The following FYN variants were observed in gnomAD, a reference collection of about 807,000 sequenced individuals.
The protein encoded by FYN is tyrosine-protein kinase Fyn.
FYN carries 10 observed loss-of-function variants against 70.2 expected under a neutral mutation model. The observed-to-expected ratio is 0.14, with a 90% confidence interval of 0.09 to 0.24. The LOEUF is 0.24. Among genes scored for constraint, FYN ranks in the 10% least tolerant of loss-of-function variants. The pLI is 1.00. For synonymous variants in FYN, 236 were observed against 248.6 expected (o/e 0.95, Z 0.48); for missense variants, 319 against 673.1 (o/e 0.47, Z 5.82).
At chr6:111,811,986 A>C (rs928073297) in intron 2 of FYN, among the ~76,000 whole-genome samples, 1 of 152,186 alleles carries the variant, frequency 6.6e-6, no homozygotes, top group African/African-American at 2.4e-5. Flanking sequence ...CCAAGGGACC[A>C]CGTCCTAGGA....
intron 3 of FYN, among the ~76,000 whole-genome samples, chr6:111,763,640 A>G (rs898517326): frequency 2.0e-5 from 3 of 152,228 alleles, no homozygotes; most frequent in African/African-American, 7.2e-5. Flanking sequence ...ACCCAGCTTT[A>G]AACATTAATA....
chr6:111,764,216 C>CAAAAAAAAAAAAAAAAA (rs11409465), intron 3 of FYN, among the ~76,000 whole-genome samples: 8 of 58,328 alleles, frequency 1.4e-4, no homozygotes, highest in East Asian at 1.7e-3. Context: ...TTTTGTCAAG[C>CAAAAAAAAAAAAAAAAA]AAAAAAAAAA....
chr6:111,838,955 C>T (rs779118039), intron 2 of FYN, among the ~76,000 whole-genome samples: 5 of 152,192 alleles, frequency 3.3e-5, no homozygotes, highest in African/African-American at 7.2e-5. Context: ...TGACTTCAGA[C>T]CGGGGCTTCC....
chr6:111,796,936 C>A (rs925332655), intron 2 of FYN, among the ~76,000 whole-genome samples: 9 of 152,160 alleles, frequency 5.9e-5, no homozygotes, highest in Non-Finnish European at 1.2e-4. Flanking sequence ...GTGGTCATGT[C>A]TTATCTGGAG....
chr6:111,840,671 G>A (rs949470858), intron 2 of FYN, among the ~76,000 whole-genome samples: 1 of 152,102 alleles, frequency 6.6e-6, no homozygotes, highest in African/African-American at 2.4e-5. Flanking sequence ...CCTTTTAAAG[G>A]AAAAGCTTAA....
intron 3 of FYN, among the ~76,000 whole-genome samples, chr6:111,746,262 A>G (rs1244117160): frequency 1.3e-5 from 2 of 152,218 alleles, no homozygotes; most frequent in Non-Finnish European, 2.9e-5. Flanking sequence ...ATACCTGTAT[A>G]ATCTAAACCC....
At chr6:111,725,157 A>C (rs1801137463) in intron 3 of FYN, among the ~76,000 whole-genome samples, 1 of 152,206 alleles carries the variant, frequency 6.6e-6, no homozygotes, top group Non-Finnish European at 1.5e-5. Flanking sequence ...GCAAAATTAG[A>C]AACACCCATA....
chr6:111,854,057 GCAGA>G (rs1452737001), intron 1 of FYN, among the ~76,000 whole-genome samples: 13 of 152,176 alleles, frequency 8.5e-5, no homozygotes, highest in African/African-American at 2.7e-4. Flanking sequence ...TGTTGTCGCA[GCAGA>G]CAGTCAGGTT....
intron 13 of FYN, among the ~76,000 whole-genome samples, chr6:111,669,127 T>C (rs1474867004): frequency 1.3e-5 from 2 of 151,970 alleles, no homozygotes; most frequent in Admixed American, 6.6e-5. Context: ...AATGAATAAG[T>C]GTGGTTTGCT....
At chr6:111,777,292 G>T (rs1305134563) in intron 3 of FYN, among the ~76,000 whole-genome samples, 1 of 152,030 alleles carries the variant, frequency 6.6e-6, no homozygotes, top group Middle Eastern at 3.2e-3. Context: ...CCACTCTGAT[G>T]ATTTTCTGAA....
intron 1 of FYN, among the ~76,000 whole-genome samples, chr6:111,857,497 C>A (rs1173534748): frequency 2.0e-5 from 3 of 152,008 alleles, no homozygotes; most frequent in Non-Finnish European, 4.4e-5. Context: ...CACGATTTAT[C>A]AAAGGAAAAA....
chr6:111,696,189 A>AAAGTAGC lies in FYN; in HGVS notation c.1042+81_1042+87dup. 3.4e-6 allele frequency: 4 copies of AAAGTAGC among 1,173,472 alleles called. No homozygotes were observed. The South Asian group carries it at 8.7e-5, about 26-fold the overall frequency. The allele number at this position is 1,173,472 out of a possible 1,614,324, so 72.7% of individuals were successfully genotyped here. The stretch of plus-strand genomic sequence containing the variant: ...ATACTTGACCCAGGCAGAAACTAGA[A>AAAGTAGC]AAGTAGCAAGTAGGAAACTTCCATT... On this transcript the variant is annotated intron_variant, in intron 10 of 13. Transcript: ENST00000354650.
At chr6:111,703,607 A>C (rs1000188036) in intron 7 of FYN, among the ~76,000 whole-genome samples, 7 of 152,236 alleles carry the variant, frequency 4.6e-5, no homozygotes, top group African/African-American at 7.2e-5. Flanking sequence ...AAAGTCCAAC[A>C]GTTGGAGGAA....
intron 3 of FYN, among the ~76,000 whole-genome samples, chr6:111,762,215 C>G (rs778462605): frequency 6.6e-6 from 1 of 152,194 alleles, no homozygotes; most frequent in African/African-American, 2.4e-5. Context: ...TTGGCCACAG[C>G]TGGGGGCCAC....
At chr6:111,863,575 A>T (rs1230281929) in intron 1 of FYN, among the ~76,000 whole-genome samples, 1 of 152,190 alleles carries the variant, frequency 6.6e-6, no homozygotes, top group Non-Finnish European at 1.5e-5. Flanking sequence ...GTGGGAAAGG[A>T]GATCTGGCTC....
At chr6:111,847,985 C>T (rs928232397) in intron 1 of FYN, among the ~76,000 whole-genome samples, 5 of 152,204 alleles carry the variant, frequency 3.3e-5, no homozygotes, top group African/African-American at 1.2e-4. Flanking sequence ...GAGAAACCGC[C>T]AGGCAATAGA....
intron 2 of FYN, among the ~76,000 whole-genome samples, chr6:111,806,109 G>A (rs1023802072): frequency 6.6e-6 from 1 of 152,172 alleles, no homozygotes; most frequent in African/African-American, 2.4e-5. Context: ...TTCCTAGGGT[G>A]CCCCAGCACT....
intron 2 of FYN, among the ~76,000 whole-genome samples, chr6:111,789,147 G>A (rs1463661317): frequency 6.6e-6 from 1 of 152,240 alleles, no homozygotes; most frequent in Non-Finnish European, 1.5e-5. Context: ...GGGCAGGAAG[G>A]TCACAAGCTG....
chr6:111,836,930 T>C (rs748313862), intron 2 of FYN, among the ~76,000 whole-genome samples: 4 of 152,158 alleles, frequency 2.6e-5, no homozygotes, highest in African/African-American at 4.8e-5. Flanking sequence ...ACTGTAAAAA[T>C]GGAATACTGT....
Sources: allele counts gnomAD v4.1 joint callset (sites outside exome capture counted in the v4.1 genomes callset), GRCh38; gene constraint gnomAD v4.1.1; transcripts MANE v1.5; gene names NCBI Gene and HGNC (gene_info 2026-07-23, HGNC 2026-07-21).